Variants in ZNF609 observed in about 807,000 individuals in gnomAD.
ZNF609 encodes the protein zinc finger protein 609.
A neutral mutation model predicts 109.5 loss-of-function variants in ZNF609; 11 were observed. That is an observed-to-expected ratio of 0.10 (90% CI 0.06 to 0.17). The LOEUF (loss-of-function observed/expected upper bound fraction) is 0.17. Among genes scored for constraint, ZNF609 ranks in the 10% least tolerant of loss-of-function variants. The pLI is 1.00. For synonymous variants in ZNF609, 646 were observed against 662.0 expected (o/e 0.98, Z 0.37); for missense variants, 1,559 against 1,772.4 (o/e 0.88, Z 2.16).
intron 3 of ZNF609, among the ~76,000 whole-genome samples, chr15:64,657,259 CAAAA>C (rs35250526): frequency 5.9e-5 from 7 of 118,918 alleles, no homozygotes; most frequent in African/African-American, 2.1e-4. Context: ...GACTGTGTCT[CAAAA>C]AAAAAAAAAA....
At chr15:64,633,104 GT>G (rs532472323) in intron 3 of ZNF609, among the ~76,000 whole-genome samples, 42 of 143,240 alleles carry the variant, frequency 2.9e-4, no homozygotes, top group South Asian at 1.6e-3. Context: ...GTATTGTTTT[GT>G]TTTTTTTTTT....
At chr15:64,473,169 A>AT (rs1254342556) in intron 1 of ZNF609, among the ~76,000 whole-genome samples, 2 of 147,508 alleles carry the variant, frequency 1.4e-5, no homozygotes, top group African/African-American at 5.1e-5. Flanking sequence ...TTTGGCTTAA[A>AT]ACTTTTGACT....
intron 1 of ZNF609, among the ~76,000 whole-genome samples, chr15:64,492,053 C>A (rs1172646209): frequency 6.6e-6 from 1 of 151,978 alleles, no homozygotes; most frequent in Non-Finnish European, 1.5e-5. Context: ...ACCAGCATGG[C>A]CAACATGGCG....
Position 64,591,509 on chromosome 15 carries a change from G to A in ZNF609, c.748-31318G>A, listed in dbSNP as rs560060007. Among the ~76,000 whole-genome samples the A allele has an allele frequency of 8.5e-5, 13 of 152,120 alleles. No individual in the cohort carries two copies. The East Asian group carries it at 2.5e-3, about 29-fold the overall frequency. On this transcript the variant is annotated intron_variant, in intron 2 of 9. Coordinates refer to ENST00000326648, the MANE Select transcript of ZNF609 (RefSeq NM_015042.2). ...CTCTATAAAAAATGTTTTAAAAAAA[G>A]CCTCAAAATGTGCATACCCTTTTAC...
chr15:64,467,847 GAAAAA>G (rs537908736), intron 1 of ZNF609, among the ~76,000 whole-genome samples: 1 of 151,964 alleles, frequency 6.6e-6, no homozygotes, highest in African/African-American at 2.4e-5. Flanking sequence ...CTGTCAAAAA[GAAAAA>G]AGAAAATATG....
intron 1 of ZNF609, among the ~76,000 whole-genome samples, chr15:64,477,083 T>G (rs1205101423): frequency 1.3e-5 from 2 of 152,032 alleles, no homozygotes; most frequent in African/African-American, 4.8e-5. Context: ...CTCTCTTGTT[T>G]GAATTGCACA....
chr15:64,508,723 T>C (rs549105190), intron 2 of ZNF609, among the ~76,000 whole-genome samples: 2 of 151,134 alleles, frequency 1.3e-5, no homozygotes, highest in Admixed American at 1.3e-4. Context: ...GGGTCTCACT[T>C]TGTTGCCCAG....
chr15:64,675,352 C>G lies in ZNF609; in HGVS notation c.2498C>G (p.Ala833Gly). 1 of 1,613,968 alleles carries G rather than the reference C, an allele frequency of 6.2e-7. No homozygotes were observed. Among genetic ancestry groups the G allele is most frequent in the Non-Finnish European group, 8.5e-7 (1 of 1,179,894 alleles). Residue 833 changes from alanine (A) to glycine (G), a missense_variant, in exon 5 of 10, where the codon GCT becomes GGT. Transcript: ENST00000326648. Reference protein sequence around the residue: ...TPLHVVTQNGAEASSVKTNSP... With the variant: ...TPLHVVTQNGGEASSVKTNSP... Reference sequence around the variant, plus strand: ...TTACATGTGGTGACCCAGAATGGAGCTGAAGCCAGCTCAGTCAAAACCAAC... The same window carrying G: ...TTACATGTGGTGACCCAGAATGGAGGTGAAGCCAGCTCAGTCAAAACCAAC...
At chr15:64,473,674 C>A (rs1019288240) in intron 1 of ZNF609, among the ~76,000 whole-genome samples, 7 of 151,950 alleles carry the variant, frequency 4.6e-5, no homozygotes, top group Admixed American at 4.6e-4. Flanking sequence ...GGTGCGATAT[C>A]GGCTTACTGC....
At chr15:64,525,213 C>G (rs1349831013) in intron 2 of ZNF609, among the ~76,000 whole-genome samples, 1 of 152,112 alleles carries the variant, frequency 6.6e-6, no homozygotes, top group Non-Finnish European at 1.5e-5. Flanking sequence ...GGTTATAGCT[C>G]TTACATTTAG....
At chr15:64,617,699 G>C (rs1040730490) in intron 2 of ZNF609, among the ~76,000 whole-genome samples, 4 of 152,144 alleles carry the variant, frequency 2.6e-5, no homozygotes, top group African/African-American at 9.7e-5. Flanking sequence ...AGAATCGCCT[G>C]AATCTGGAAG....
chr15:64,572,965 G>A (rs532772127), intron 2 of ZNF609, among the ~76,000 whole-genome samples: 2 of 152,302 alleles, frequency 1.3e-5, no homozygotes, highest in South Asian at 2.1e-4. Context: ...CGCGGGACAC[G>A]TAGTTCGGCT....
rs10628744 is a variant in ZNF609, at chr15:64,646,939, C to CAAAA, written c.974-23387_974-23384dup. On this transcript the variant is annotated intron_variant, in intron 3 of 9. Transcript: ENST00000326648. The stretch of plus-strand genomic sequence containing the variant: ...TGGATGACAGAGGGAGACTCTGTCT[C>CAAAA]AAAAAAAAAAAAAAAAAAAAAAATC... Among the ~76,000 whole-genome samples, 59 of 59,754 alleles carry CAAAA rather than the reference C, an allele frequency of 9.9e-4. 2 individuals carry two copies. The highest frequency in any genetic ancestry group is 2.0e-3 in the African/African-American group (28 of 14,254). 39.2% of individuals were successfully genotyped at this position (59,754 alleles called of 152,430 possible). A position where few individuals can be genotyped will look rare whatever the true frequency, so the allele number is the denominator to read the frequency against.
At chr15:64,478,546 T>C (rs1893204930) in intron 1 of ZNF609, among the ~76,000 whole-genome samples, 1 of 151,942 alleles carries the variant, frequency 6.6e-6, no homozygotes, top group African/African-American at 2.4e-5. Context: ...AATTTTTGTA[T>C]TTTTAGTTTT....
chr15:64,571,156 T>G (rs543786862), intron 2 of ZNF609, among the ~76,000 whole-genome samples: 34 of 152,346 alleles, frequency 2.2e-4, no homozygotes, highest in Middle Eastern at 3.4e-3. Context: ...AAATTCCTTC[T>G]GTAGGGTGTT....
At chr15:64,489,652 C>G (rs931846746) in intron 1 of ZNF609, among the ~76,000 whole-genome samples, 1 of 151,686 alleles carries the variant, frequency 6.6e-6, no homozygotes, top group South Asian at 2.1e-4. Flanking sequence ...GCCTCAGCCT[C>G]CCAAGTAGCT....
chr15:64,541,237 C>G (rs927855379), intron 2 of ZNF609, among the ~76,000 whole-genome samples: 2 of 150,744 alleles, frequency 1.3e-5, no homozygotes, highest in African/African-American at 4.9e-5. Flanking sequence ...ACCATCCTGG[C>G]TAACACGGTG....
At chr15:64,619,601 C>T (rs1182996001) in intron 2 of ZNF609, among the ~76,000 whole-genome samples, 3 of 152,132 alleles carry the variant, frequency 2.0e-5, no homozygotes, top group Non-Finnish European at 4.4e-5. Flanking sequence ...TCTCCCCATC[C>T]CTGAACATCT....
intron 2 of ZNF609, among the ~76,000 whole-genome samples, chr15:64,573,502 C>G (rs1335326089): frequency 6.6e-6 from 1 of 151,538 alleles, no homozygotes; most frequent in African/African-American, 2.4e-5. Flanking sequence ...CTACAGACAC[C>G]CGCCACCATG....
Sources: gnomAD v4.1 joint callset for allele counts (sites outside exome capture counted in the v4.1 genomes callset) on GRCh38, gnomAD v4.1.1 for gene constraint, MANE v1.5 for transcripts, NCBI Gene and HGNC (gene_info 2026-07-23, HGNC 2026-07-21) for gene names.